RRBP1: variants seen among roughly 807,000 people sequenced by gnomAD.
The protein encoded by RRBP1 is ribosome binding protein 1, also known as ribosome-binding protein 1.
Under a neutral mutation model 165.2 loss-of-function variants are expected in RRBP1, and 94 were observed. The ratio of observed to expected loss-of-function variants is 0.57; its 90% CI spans 0.48 to 0.68. The LOEUF (loss-of-function observed/expected upper bound fraction) is 0.68, where lower values mean the gene tolerates loss of function less well. Ranked by LOEUF, RRBP1 falls within the 30% of genes least tolerant of loss-of-function variation. The pLI, the probability that RRBP1 is intolerant of heterozygous loss-of-function variation, is 0.00. For missense variants in RRBP1, 1,676 were observed against 1,763.0 expected, an observed-to-expected ratio of 0.95 and a Z score of 0.88; for synonymous variants, 680 against 714.5, an observed-to-expected ratio of 0.95 and a Z score of 0.77.
At chr20:17,667,620 A>G (rs1453081572) in intron 2 of RRBP1, among the ~76,000 whole-genome samples, 1 of 152,206 alleles carries the variant, frequency 6.6e-6, no homozygotes, top group East Asian at 1.9e-4. Flanking sequence ...CAAACCACCT[A>G]CAAGGTCTTA....
At chr20:17,676,578 G>A (rs569996388) in intron 2 of RRBP1, among the ~76,000 whole-genome samples, 1 of 152,268 alleles carries the variant, frequency 6.6e-6, no homozygotes, top group East Asian at 1.9e-4. Context: ...AGCACCCTGA[G>A]GGACTGCCAA....
chr20:17,627,331 C>T lies in RRBP1; in HGVS notation c.2963+17G>A, dbSNP rs1206255173. 1 of 1,612,404 alleles carries T rather than the reference C, an allele frequency of 6.2e-7. No individual in the cohort carries two copies. Among genetic ancestry groups the T allele is most frequent in the Non-Finnish European group, 8.5e-7 (1 of 1,179,724 alleles). ...GCTGAGGCTCAAGTGAGCAGGCAGG[C>T]TGCTTCCCCAGCTTACCGAGTCTGC... On this transcript the variant is annotated intron_variant, in intron 11 of 24. Transcript: ENST00000377813.
intron 3 of RRBP1, among the ~76,000 whole-genome samples, chr20:17,658,107 G>T (rs1002613143): frequency 6.6e-6 from 1 of 152,048 alleles, no homozygotes; most frequent in Admixed American, 6.6e-5. Context: ...GCCAAGACAC[G>T]GACCTGTTGC....
rs73262677 is a variant in RRBP1, at chr20:17,666,243, G to A, written c.-21-5715C>T. 3.0e-3 allele frequency among the ~76,000 whole-genome samples: 461 copies of A among 152,052 alleles called. 2 individuals are homozygous for A. The highest frequency in any genetic ancestry group is 0.011 in the African/African-American group (440 of 41,452). ...TCTTCGAAGCCAGGCACAGTGGTTC[G>A]TGTCTGTAGTCCAAGCTACTTGGGG... On this transcript the variant is annotated intron_variant, in intron 2 of 24. Transcript: ENST00000377813.
At chr20:17,642,675 C>T (rs778573647) in intron 4 of RRBP1, among the ~76,000 whole-genome samples, 4 of 152,154 alleles carry the variant, frequency 2.6e-5, no homozygotes, top group Non-Finnish European at 4.4e-5. Context: ...CACACTGTGT[C>T]CCTATACCTT....
At position 17,635,543 on chromosome 20, in the gene RRBP1, T is replaced by C. The variant is rs1326076027; in HGVS notation, c.2456+3A>G. ...GGTGCTGAGGCAGGAAAGCTCAGCT[T>C]ACTTGCTCTCCACCTGGCTCGTGGC... On this transcript the variant is annotated splice_donor_region_variant and intron_variant, in intron 7 of 24. Transcript: ENST00000377813. The C allele has an allele frequency of 1.2e-6, 2 of 1,604,072 alleles. No individual in the cohort carries two copies. The highest frequency in any genetic ancestry group is 1.7e-6 in the Non-Finnish European group (2 of 1,174,438).
Position 17,640,640 on chromosome 20 carries a change from C to T in RRBP1, c.2184+1157G>A, listed in dbSNP as rs939687737. Reference sequence around the variant, plus strand: ...CCTAAGAGGCAAGGCCAGTGGTCTCCGAGGAGGCTGGGTACTGAATGAGGA... The same window carrying T: ...CCTAAGAGGCAAGGCCAGTGGTCTCTGAGGAGGCTGGGTACTGAATGAGGA... On this transcript the variant is annotated intron_variant, in intron 5 of 24. Transcript: ENST00000377813. Among the ~76,000 whole-genome samples, 44 of 152,070 alleles carry T rather than the reference C, an allele frequency of 2.9e-4. 1 individual carries two copies. The highest frequency in any genetic ancestry group is 1.1e-3 in the African/African-American group (44 of 41,424).
chr20:17,668,320 C>CT (rs1192327378), intron 2 of RRBP1, among the ~76,000 whole-genome samples: 1 of 152,202 alleles, frequency 6.6e-6, no homozygotes, highest in Non-Finnish European at 1.5e-5. Context: ...ATAATCAGTC[C>CT]TTCGTTATTC....
chr20:17,670,984 G>T (rs2036966795), intron 2 of RRBP1, among the ~76,000 whole-genome samples: 1 of 152,072 alleles, frequency 6.6e-6, no homozygotes, highest in African/African-American at 2.4e-5. Context: ...ATCTTAATTG[G>T]TCTTACAAAT....
At position 17,635,590 on chromosome 20, in the gene RRBP1, G is replaced by T; in HGVS notation, c.2412C>A (p.Ile804=). The change falls in exon 7 of 25, where the codon ATC becomes ATA. Residue 804 remains isoleucine, a synonymous_variant. Coordinates refer to ENST00000377813, the MANE Select transcript of RRBP1 (RefSeq NM_001365613.2). The part of the protein sequence containing the change: ...QLARLQQENS[I]LRDALNQATS... ...TGGCCTGGTTCAAGGCATCCCGCAG[G>T]ATGGAGTTCTCCTGCTGCAGGCGGG... The T allele has an allele frequency of 1.4e-5, 23 of 1,613,328 alleles. No individual in the cohort carries two copies. The highest frequency in any genetic ancestry group is 1.7e-5 in the Non-Finnish European group (20 of 1,179,820).
At chr20:17,640,358 G>A (rs1279970183) in intron 5 of RRBP1, among the ~76,000 whole-genome samples, 1 of 152,238 alleles carries the variant, frequency 6.6e-6, no homozygotes, top group East Asian at 1.9e-4. Flanking sequence ...AGAGCAAGAG[G>A]AGAGCCCCAG....
chr20:17,643,249 G>A lies in RRBP1; in HGVS notation c.1913-122C>T. On this transcript the variant is annotated intron_variant, in intron 3 of 24. Transcript: ENST00000377813. The surrounding 1 kb of genome is among the most constrained non-coding windows in gnomAD (Gnocchi z 4.3). ...CACGAAGAGCTCTCTGACTGCTTGG[G>A]GTCAGCAGGCTGAGCATGGCGAGTC... 2.0e-6 allele frequency: 2 copies of A among 1,008,422 alleles called. No individual in the cohort carries two copies. Among genetic ancestry groups the A allele is most frequent in the South Asian group, 1.6e-5 (1 of 62,798 alleles). The allele number at this position is 1,008,422 out of a possible 1,614,324, so 62.5% of individuals were successfully genotyped here.
At chr20:17,621,039 C>T (rs946621456) in intron 16 of RRBP1, among the ~76,000 whole-genome samples, 4 of 152,160 alleles carry the variant, frequency 2.6e-5, no homozygotes, top group Non-Finnish European at 4.4e-5. Flanking sequence ...CTGTGACCTG[C>T]ACAGGACCAC....
intron 2 of RRBP1, among the ~76,000 whole-genome samples, chr20:17,677,544 C>T (rs1481854255): frequency 1.3e-5 from 2 of 152,132 alleles, no homozygotes; most frequent in South Asian, 2.1e-4. Flanking sequence ...ATGATCCTTT[C>T]GAAGTTATAT....
chr20:17,650,672 C>T (rs939603477), intron 3 of RRBP1, among the ~76,000 whole-genome samples: 4 of 152,208 alleles, frequency 2.6e-5, no homozygotes, highest in African/African-American at 9.7e-5. Flanking sequence ...GTACACTGTT[C>T]TGGAGCTCAT....
chr20:17,681,637 C>T (rs901072773), intron 1 of RRBP1, among the ~76,000 whole-genome samples: 24 of 149,016 alleles, frequency 1.6e-4, no homozygotes, highest in Middle Eastern at 3.5e-3. Flanking sequence ...AGCTGTGCGC[C>T]GCCCCGCCCC....
chr20:17,615,482 G>A lies in RRBP1; in HGVS notation c.3999C>T (p.Arg1333=), dbSNP rs773235246. ...CTGAAGACTCTAGGGGGCCGGCTGT[G>A]CGGAGCTTCTCCAATTCTTCTTGTA... ...CRLQEELEKL[R]TAGPLESSET... is the part of the protein sequence containing the mutation. The change falls in exon 23 of 25, where the codon CGC becomes CGT. Residue 1333 remains arginine, a synonymous_variant. Coordinates refer to ENST00000377813, the MANE Select transcript of RRBP1 (RefSeq NM_001365613.2). 2 of 1,607,772 alleles carry A rather than the reference G, an allele frequency of 1.2e-6. No individual in the cohort carries two copies. The highest frequency in any genetic ancestry group is 1.7e-6 in the Non-Finnish European group (2 of 1,178,044).
chr20:17,632,952 T>C lies in RRBP1; in HGVS notation c.2610+508A>G, dbSNP rs575208413. Among the ~76,000 whole-genome samples, 357 of 152,204 alleles carry C rather than the reference T, an allele frequency of 2.3e-3. 3 individuals carry two copies. Among genetic ancestry groups the C allele is most frequent in the Non-Finnish European group, 4.5e-3 (304 of 68,032 alleles). ...TGAGAAAGAAGAAACCCCACTGGCC[T>C]TGAAGCCAGAGGCTGCGTCCACAGC... is the stretch of plus-strand genomic sequence containing the variant. On this transcript the variant is annotated intron_variant, in intron 8 of 24. Coordinates refer to ENST00000377813, the MANE Select transcript of RRBP1 (RefSeq NM_001365613.2).
In RRBP1 at chr20:17,633,440, C is replaced by T. The variant is rs374542394; in HGVS notation, c.2610+20G>A. On this transcript the variant is annotated intron_variant, in intron 8 of 24. Transcript: ENST00000377813. ...CTGGGCAGTGAACAGGGCACTGAGG[C>T]GGCCACTGCCCCGACTCACCTGCAG... 101 of 1,607,198 alleles carry T rather than the reference C, an allele frequency of 6.3e-5. No individual in the cohort carries two copies. In the African/African-American group the frequency reaches 6.7e-4, roughly 11 times the overall value.
Sources: gnomAD v4.1 joint callset for allele counts (sites outside exome capture counted in the v4.1 genomes callset) on GRCh38, gnomAD v4.1.1 for gene constraint, Gnocchi (gnomAD v3.1) non-coding constraint, MANE v1.5 for transcripts, NCBI Gene and HGNC (gene_info 2026-07-23, HGNC 2026-07-21) for gene names.